SUGCT: variants seen among roughly 807,000 people sequenced by gnomAD.
The protein encoded by SUGCT is succinyl-CoA:glutarate-CoA transferase.
SUGCT carries 41 observed loss-of-function variants against 55.0 expected under a neutral mutation model. The observed-to-expected ratio is 0.74, with a 90% CI of 0.58 to 0.97. The LOEUF (loss-of-function observed/expected upper bound fraction) is 0.97, where lower values mean the gene tolerates loss of function less well. SUGCT is among the 50% of genes least tolerant of loss of function. SUGCT has a pLI of 0.00. For synonymous variants in SUGCT, 187 were observed against 200.4 expected (o/e 0.93, Z 0.56); for missense variants, 568 against 547.8 (o/e 1.04, Z -0.37).
At chr7:40,444,892 C>T (rs1266202038) in intron 9 of SUGCT, among the ~76,000 whole-genome samples, 1 of 152,126 alleles carries the variant, frequency 6.6e-6, no homozygotes, top group Non-Finnish European at 1.5e-5. Context: ...TTTTGAGATA[C>T]ATCCCACCAA....
the SUGCT span, among the ~76,000 whole-genome samples, chr7:41,019,484 A>G: frequency 6.6e-6 from 1 of 152,238 alleles, no homozygotes; most frequent in Admixed American, 6.5e-5. Context: ...ACACACATGC[A>G]TTTTGGAAAT....
At chr7:40,747,760 A>G (rs1787803300) in intron 12 of SUGCT, among the ~76,000 whole-genome samples, 1 of 152,216 alleles carries the variant, frequency 6.6e-6, no homozygotes, top group Non-Finnish European at 1.5e-5. Context: ...TCTTTGGGAC[A>G]GTATACCCAG....
intron 6 of SUGCT, among the ~76,000 whole-genome samples, chr7:40,195,705 A>ATTTTT (rs1236707125): frequency 1.0e-5 from 1 of 100,370 alleles, no homozygotes. Context: ...GTTGAAAACA[A>ATTTTT]TTCTTTTTTT....
chr7:40,242,913 ATATATATATATATATATATATTT>A (rs1388362255), intron 7 of SUGCT, among the ~76,000 whole-genome samples: 2 of 19,144 alleles, frequency 1.0e-4, no homozygotes, highest in Non-Finnish European at 2.0e-4. Context: ...TGGCATATAT[ATATATATATATATATATATATTT>A]TTTTTTTTTT....
chr7:40,988,157 TA>T, the SUGCT span, among the ~76,000 whole-genome samples: 1 of 151,394 alleles, frequency 6.6e-6, no homozygotes, highest in Non-Finnish European at 1.5e-5. Context: ...AATTCTTCAG[TA>T]ATTGGTAAAG....
At chr7:40,812,201 T>G (rs1181944432) in intron 13 of SUGCT, among the ~76,000 whole-genome samples, 2 of 152,014 alleles carry the variant, frequency 1.3e-5, no homozygotes, top group Non-Finnish European at 2.9e-5. Context: ...TCATTTTTTG[T>G]TGTGTCTTTG....
chr7:40,814,748 C>T (rs1791588032), intron 13 of SUGCT, among the ~76,000 whole-genome samples: 2 of 152,202 alleles, frequency 1.3e-5, no homozygotes, highest in Non-Finnish European at 1.5e-5. Flanking sequence ...TTGATGCTGT[C>T]ACCACATTCA....
At chr7:40,361,312 C>T (rs1798141490) in intron 9 of SUGCT, among the ~76,000 whole-genome samples, 3 of 152,024 alleles carry the variant, frequency 2.0e-5, no homozygotes, top group South Asian at 4.2e-4. Flanking sequence ...CGGTGGCTCA[C>T]GCTGGTAATC....
At chr7:40,553,026 T>G (rs928946281) in intron 12 of SUGCT, among the ~76,000 whole-genome samples, 3 of 152,172 alleles carry the variant, frequency 2.0e-5, no homozygotes, top group African/African-American at 7.2e-5. Flanking sequence ...GAGCAGAAGA[T>G]ATTTACTTGC....
chr7:41,009,234 A>T, the SUGCT span, among the ~76,000 whole-genome samples: 1 of 150,048 alleles, frequency 6.7e-6, no homozygotes, highest in South Asian at 2.1e-4. Context: ...AAAGCAACTT[A>T]TATGTTAAAT....
At chr7:40,940,885 C>G in the SUGCT span, among the ~76,000 whole-genome samples, 12 of 152,098 alleles carry the variant, frequency 7.9e-5, no homozygotes, top group African/African-American at 2.9e-4. Context: ...CCTGATTGCT[C>G]TAACTAGCAT....
chr7:40,583,395 A>G (rs1258164627), intron 12 of SUGCT, among the ~76,000 whole-genome samples: 1 of 151,960 alleles, frequency 6.6e-6, no homozygotes, highest in East Asian at 1.9e-4. Flanking sequence ...GGCTTTTCTA[A>G]TGAATACTTT....
chr7:40,830,563 C>A (rs1792607889), intron 13 of SUGCT, among the ~76,000 whole-genome samples: 1 of 152,210 alleles, frequency 6.6e-6, no homozygotes, highest in Non-Finnish European at 1.5e-5. Context: ...CTGCTCAAAT[C>A]TCATCTATTC....
chr7:40,479,056 G>A (rs1790868649), intron 11 of SUGCT, among the ~76,000 whole-genome samples: 1 of 151,990 alleles, frequency 6.6e-6, no homozygotes, highest in Non-Finnish European at 1.5e-5. Context: ...CTGTGTGTGT[G>A]TATGTGTACC....
At chr7:40,827,388 C>T (rs923257700) in intron 13 of SUGCT, among the ~76,000 whole-genome samples, 5 of 151,984 alleles carry the variant, frequency 3.3e-5, no homozygotes, top group African/African-American at 1.2e-4. Context: ...GAGAAGCCTT[C>T]TATGGAGTAG....
chr7:40,900,387 C>T, the SUGCT span, among the ~76,000 whole-genome samples: 1 of 152,178 alleles, frequency 6.6e-6, no homozygotes, highest in Admixed American at 6.5e-5. Context: ...CCTTTGTTTC[C>T]TTGTCTACAG....
Position 40,194,952 on chromosome 7 carries a change from T to G in SUGCT, c.376T>G (p.Cys126Gly). 6.2e-7 allele frequency: 1 copy of G among 1,613,562 alleles called. No homozygotes were observed. Among genetic ancestry groups the G allele is most frequent in the Non-Finnish European group, 8.5e-7 (1 of 1,179,752 alleles). ...VKIIKELAAV[C>G]DVFVENYVPG... is the part of the protein sequence containing the mutation. ...CCTCTTCCATCAGCTTGCAGCTGTT[T>G]GTGATGTGTTTGTGGAAAACTATGT... Residue 126 changes from cysteine to glycine, a missense_variant, in exon 6 of 14, where the codon TGT (cysteine) becomes GGT (glycine). Coordinates refer to ENST00000335693, the MANE Select transcript of SUGCT (RefSeq NM_001193313.2).
At chr7:41,025,101 C>T in the SUGCT span, among the ~76,000 whole-genome samples, 1 of 152,084 alleles carries the variant, frequency 6.6e-6, no homozygotes, top group Non-Finnish European at 1.5e-5. Context: ...ATAATGCTAT[C>T]TAGTTACTTA....
At chr7:40,679,072 C>T (rs1784128223) in intron 12 of SUGCT, among the ~76,000 whole-genome samples, 1 of 152,166 alleles carries the variant, frequency 6.6e-6, no homozygotes, top group African/African-American at 2.4e-5. Context: ...GAGCCCAGGC[C>T]ACCCTTCTGA....
Sources: allele counts gnomAD v4.1 joint callset (sites outside exome capture counted in the v4.1 genomes callset), GRCh38; gene constraint gnomAD v4.1.1; transcripts MANE v1.5; gene names NCBI Gene and HGNC (gene_info 2026-07-23, HGNC 2026-07-21).